Variants in MAT1A observed in about 807,000 individuals in gnomAD.
MAT1A encodes the protein methionine adenosyltransferase 1A.
In MAT1A, 19 loss-of-function variants were observed where a neutral mutation model predicts 44.0. The ratio of observed to expected loss-of-function variants is 0.43; its 90% CI spans 0.30 to 0.63. The LOEUF is 0.63. Among genes scored for constraint, MAT1A ranks in the 30% least tolerant of loss-of-function variants. MAT1A has a pLI of 0.12. For missense variants in MAT1A, 397 were observed against 531.0 expected (o/e 0.75, Z 2.48); for synonymous variants, 205 against 205.6 (o/e 1.00, Z 0.03).
chr10:80,273,013 C>G lies in MAT1A; in HGVS notation c.*768G>C, dbSNP rs1170466544. The G allele has an allele frequency of 6.6e-6, 1 of 152,286 alleles. No homozygotes were observed. Among genetic ancestry groups the G allele is most frequent in the Non-Finnish European group, 1.5e-5 (1 of 68,190 alleles). The allele number at this position is 152,286 out of a possible 1,614,324, so 9.4% of individuals were successfully genotyped here. A position where few individuals can be genotyped will look rare whatever the true frequency, so the allele number is the denominator to read the frequency against. On this transcript the variant is annotated 3_prime_UTR_variant, in exon 9 of 9. Coordinates refer to ENST00000372213, the MANE Select transcript of MAT1A (RefSeq NM_000429.3). ...GGCCTCATTTCTGAATCTGCTTTGT[C>G]ATTGTTTGAGCCTGTTACTGGCATG...
At chr10:80,285,364 G>T in intron 2 of MAT1A, 148 bp downstream of exon 2, 1 of 707,702 alleles carries the variant, frequency 1.4e-6, no homozygotes. Context: ...ACTACACAGG[G>T]GAGGTCTCAT....
chr10:80,279,901 C>G (rs114841457), intron 5 of MAT1A, among the ~76,000 whole-genome samples: 3 of 151,944 alleles, frequency 2.0e-5, no homozygotes, highest in Non-Finnish European at 4.4e-5. Context: ...GATTTGGGGA[C>G]TCATTAGTCA....
chr10:80,285,398 A>G (rs1841635323), intron 2 of MAT1A, 114 bp downstream of exon 2: 10 of 836,302 alleles, frequency 1.2e-5, no homozygotes, highest in Non-Finnish European at 2.1e-5. Context: ...ACTGCAGAGC[A>G]GAGGACATGG....
At chr10:80,273,998 C>T (rs1841446091) in intron 8 of MAT1A, 115 bp from the exon 9 acceptor site, 5 of 787,532 alleles carry the variant, frequency 6.3e-6, no homozygotes, top group Non-Finnish European at 1.1e-5. Flanking sequence ...CCTCGCATGG[C>T]ACTACGCCTC....
In MAT1A at chr10:80,276,364, A is replaced by C; in HGVS notation, c.768+12T>G. ...AGACAAACCAGGGCTTCGTTCAGAG[A>C]CAAGAATGCACCTGGGGACCTCCGA... On this transcript the variant is annotated intron_variant, in intron 6 of 8. Coordinates refer to ENST00000372213, the MANE Select transcript of MAT1A (RefSeq NM_000429.3). 1 of 1,613,828 alleles carries C rather than the reference A, an allele frequency of 6.2e-7. No homozygotes were observed. The highest frequency in any genetic ancestry group is 8.5e-7 in the Non-Finnish European group (1 of 1,179,860).
At chr10:80,278,116 C>T (rs1841515210) in intron 5 of MAT1A, among the ~76,000 whole-genome samples, 1 of 152,196 alleles carries the variant, frequency 6.6e-6, no homozygotes, top group Non-Finnish European at 1.5e-5. Flanking sequence ...CCTCCTGGAG[C>T]CCCACAGCAA....
rs780881453 is a variant in MAT1A at position 80,273,754 on chromosome 10, T to C, written c.*27A>G. On this transcript the variant is annotated 3_prime_UTR_variant, in exon 9 of 9. Coordinates refer to ENST00000372213, the MANE Select transcript of MAT1A (RefSeq NM_000429.3). ...GCATGGCCACCAGGTGCCTCCAGGG[T>C]GAGACCAGGCCCAGCTCCCCCTGGC... is the stretch of plus-strand genomic sequence containing the variant. 6.5e-7 allele frequency: 1 copy of C among 1,529,482 alleles called. No homozygotes were observed. The highest frequency in any genetic ancestry group is 1.7e-5 in the Admixed American group (1 of 59,926). The allele number at this position is 1,529,482 out of a possible 1,614,324, so 94.7% of individuals were successfully genotyped here. A position where few individuals can be genotyped will look rare whatever the true frequency, so the allele number is the denominator to read the frequency against.
intron 1 of MAT1A, among the ~76,000 whole-genome samples, chr10:80,289,042 C>A (rs560087361): frequency 1.3e-5 from 2 of 152,284 alleles, no homozygotes; most frequent in African/African-American, 4.8e-5. Flanking sequence ...AAGTTACAGT[C>A]AGATAGGAGG....
At chr10:80,275,269 G>A (rs2132701837) in intron 6 of MAT1A, 70 bp from the exon 7 acceptor site, 3 of 1,374,590 alleles carry the variant, frequency 2.2e-6, no homozygotes, top group East Asian at 2.4e-5. Flanking sequence ...CTGAAGTACT[G>A]TGATGGCAGC....
chr10:80,271,990 C>T lies in MAT1A; in HGVS notation c.*1791G>A, dbSNP rs1841415193. ...TGTGAGCCAAGTTAGAGGAACTTGG[C>T]CACCTGCAAACCACTCCCTCCCTCC... On this transcript the variant is annotated 3_prime_UTR_variant, in exon 9 of 9. Coordinates refer to ENST00000372213, the MANE Select transcript of MAT1A (RefSeq NM_000429.3). The T allele has an allele frequency of 6.6e-6, 1 of 152,136 alleles. No individual in the cohort carries two copies. The highest frequency in any genetic ancestry group is 1.5e-5 in the Non-Finnish European group (1 of 68,030). The allele number at this position is 152,136 out of a possible 1,614,324, so 9.4% of individuals were successfully genotyped here.
rs891295853 is a variant in MAT1A, at chr10:80,273,606, G to A, written c.*175C>T. ...ATCAAGATCCAACCTCCAGCACCAG[G>A]AAGCCCCTGCCTCCAGCTGGCCATG... is the stretch of plus-strand genomic sequence containing the variant. On this transcript the variant is annotated 3_prime_UTR_variant, in exon 9 of 9. Coordinates refer to ENST00000372213, the MANE Select transcript of MAT1A (RefSeq NM_000429.3). 4.6e-6 allele frequency: 3 copies of A among 657,112 alleles called. No homozygotes were observed. The highest frequency in any genetic ancestry group is 3.6e-5 in the African/African-American group (2 of 55,532). The allele number at this position is 657,112 out of a possible 1,614,324, so 40.7% of individuals were successfully genotyped here. A position where few individuals can be genotyped will look rare whatever the true frequency, so the allele number is the denominator to read the frequency against.
In MAT1A at chr10:80,283,937, C is replaced by T. The variant is rs1202204033; in HGVS notation, c.271G>A (p.Gly91Ser). 3.7e-6 allele frequency: 6 copies of T among 1,614,074 alleles called. No homozygotes were observed. In the African/African-American group the frequency reaches 4.0e-5, roughly 11 times the overall value. Residue 91 changes from glycine (G) to serine (S), a missense_variant, in exon 3 of 9, where the codon GGC becomes AGC. Physicochemically the swap from Gly to Ser is moderately conservative, Grantham distance 56. Transcript: ENST00000372213. ...RVVRDTIKHIGYDDSAKGFDF... is the reference protein window; with the variant it reads ...RVVRDTIKHISYDDSAKGFDF... ...TCACCCTTGGCTGAGTCATCGTAGC[C>T]GATGTGCTTGATGGTGTCCCTCACC...
Position 80,280,662 on chromosome 10 carries a change from C to T in MAT1A, c.405+18G>A. ...CAGCCAGCTCAACACACAGCTCCCACATGCAGTGCCGAGCTACCTGATCTC... is the reference window on the plus strand; with the variant it reads ...CAGCCAGCTCAACACACAGCTCCCATATGCAGTGCCGAGCTACCTGATCTC... On this transcript the variant is annotated intron_variant, in intron 4 of 8. Coordinates refer to ENST00000372213, the MANE Select transcript of MAT1A (RefSeq NM_000429.3). 1 of 1,583,992 alleles carries T rather than the reference C, an allele frequency of 6.3e-7. No individual in the cohort carries two copies. Among genetic ancestry groups the T allele is most frequent in the Non-Finnish European group, 8.7e-7 (1 of 1,152,400 alleles).
In MAT1A at chr10:80,289,254, T is replaced by C. The variant is rs1304393277; in HGVS notation, c.91+79A>G. On this transcript the variant is annotated intron_variant, in intron 1 of 8. Transcript: ENST00000372213. The stretch of plus-strand genomic sequence containing the variant: ...ATATGCACAATTATTATGTGTCAAA[T>C]TAAAACCATTTGTAAGTGACTCCCT... The C allele has an allele frequency of 8.6e-6, 10 of 1,162,238 alleles. No homozygotes were observed. In the Admixed American group the frequency reaches 1.0e-4, roughly 12 times the overall value. The allele number at this position is 1,162,238 out of a possible 1,614,324, so 72.0% of individuals were successfully genotyped here.
At chr10:80,274,024 C>A (rs754976273) in intron 8 of MAT1A, 141 bp from the exon 9 acceptor site, 137 of 709,722 alleles carry the variant, frequency 1.9e-4, no homozygotes, top group Non-Finnish European at 3.3e-4. Flanking sequence ...CGCAGTTGCG[C>A]GCACCCATCC....
intron 5 of MAT1A, among the ~76,000 whole-genome samples, chr10:80,279,330 G>A (rs75478799): frequency 0.02 from 3,030 of 152,184 alleles, 124 homozygotes; most frequent in African/African-American, 0.069. Context: ...TGAACAGGAC[G>A]GGGGAAGGGC....
At chr10:80,274,116 C>T (rs543013980) in intron 8 of MAT1A, among the ~76,000 whole-genome samples, 45 of 152,340 alleles carry the variant, frequency 3.0e-4, no homozygotes, top group African/African-American at 8.9e-4. Flanking sequence ...TCCAGCCTTC[C>T]GGTGCTTTTC....
intron 1 of MAT1A, among the ~76,000 whole-genome samples, chr10:80,289,041 T>A (rs113659678): frequency 5.8e-4 from 88 of 152,256 alleles, no homozygotes; most frequent in African/African-American, 2.1e-3. Context: ...GAAGTTACAG[T>A]CAGATAGGAG....
intron 3 of MAT1A, among the ~76,000 whole-genome samples, chr10:80,281,719 TGC>T (rs1411420732): frequency 1.8e-4 from 27 of 152,342 alleles, no homozygotes; most frequent in African/African-American, 6.0e-4. Context: ...AGATCCAAGC[TGC>T]TGTTTCTGTA....
Sources: gnomAD v4.1 joint callset for allele counts (sites outside exome capture counted in the v4.1 genomes callset) on GRCh38, gnomAD v4.1.1 for gene constraint, MANE v1.5 for transcripts, NCBI Gene and HGNC (gene_info 2026-07-23, HGNC 2026-07-21) for gene names.